KCTD8: variants seen among roughly 807,000 people sequenced by gnomAD.
The protein encoded by KCTD8 is potassium channel tetramerization domain containing 8, also known as BTB/POZ domain-containing protein KCTD8.
In KCTD8, 27 loss-of-function variants were observed where a neutral mutation model predicts 31.5. The ratio of observed to expected loss-of-function variants is 0.86; its 90% CI spans 0.63 to 1.18. The LOEUF (loss-of-function observed/expected upper bound fraction) is 1.18. KCTD8 is among the 50% of genes most tolerant of loss of function. The pLI, the probability that KCTD8 is intolerant of heterozygous loss-of-function variation, is 0.00. For synonymous variants in KCTD8, 290 were observed against 280.0 expected (o/e 1.04, Z -0.36); for missense variants, 658 against 647.7 (o/e 1.02, Z -0.17).
chr4:44,415,109 C>A (rs1376066734), intron 1 of KCTD8, among the ~76,000 whole-genome samples: 2 of 152,090 alleles, frequency 1.3e-5, no homozygotes, highest in African/African-American at 4.8e-5. Flanking sequence ...CCATGTTATG[C>A]CCTAGCAAAA....
At chr4:44,411,765 C>A (rs898674786) in intron 1 of KCTD8, among the ~76,000 whole-genome samples, 3 of 151,900 alleles carry the variant, frequency 2.0e-5, no homozygotes, top group Non-Finnish European at 4.4e-5. Context: ...TGCCCTATGA[C>A]AACAGAGGCA....
chr4:44,286,829 A>G (rs1303383879), intron 1 of KCTD8, among the ~76,000 whole-genome samples: 1 of 152,112 alleles, frequency 6.6e-6, no homozygotes, highest in Non-Finnish European at 1.5e-5. Flanking sequence ...AGGTATTGCA[A>G]CAGATCAGAG....
chr4:44,438,603 T>C (rs886951665), intron 1 of KCTD8, among the ~76,000 whole-genome samples: 4 of 152,202 alleles, frequency 2.6e-5, no homozygotes, highest in Non-Finnish European at 5.9e-5. Context: ...ATTTTAAAAA[T>C]ACATTACAAT....
At chr4:44,410,431 T>C (rs1720927055) in intron 1 of KCTD8, among the ~76,000 whole-genome samples, 1 of 152,220 alleles carries the variant, frequency 6.6e-6, no homozygotes, top group East Asian at 1.9e-4. Context: ...ATAAGGTAAC[T>C]ACAGTTATTA....
At chr4:44,306,144 A>T (rs1717796418) in intron 1 of KCTD8, among the ~76,000 whole-genome samples, 1 of 151,978 alleles carries the variant, frequency 6.6e-6, no homozygotes, top group Non-Finnish European at 1.5e-5. Context: ...AAATCAAAGG[A>T]AGTGGAAGAA....
At chr4:44,375,583 T>C (rs960102310) in intron 1 of KCTD8, among the ~76,000 whole-genome samples, 9 of 152,242 alleles carry the variant, frequency 5.9e-5, no homozygotes, top group Admixed American at 5.9e-4. Flanking sequence ...ATCTTCAGAT[T>C]CCAGGTTCTC....
intron 1 of KCTD8, among the ~76,000 whole-genome samples, chr4:44,201,576 G>A (rs1401505587): frequency 1.3e-5 from 2 of 152,062 alleles, no homozygotes; most frequent in Admixed American, 6.6e-5. Context: ...TTCAATAAAC[G>A]ATGTTGGGAT....
chr4:44,248,295 T>G (rs927849168), intron 1 of KCTD8, among the ~76,000 whole-genome samples: 1 of 151,804 alleles, frequency 6.6e-6, no homozygotes, highest in African/African-American at 2.4e-5. Context: ...TACCTGAAAT[T>G]TAAACTTAAT....
At chr4:44,238,244 G>T (rs1384136803) in intron 1 of KCTD8, among the ~76,000 whole-genome samples, 1 of 151,942 alleles carries the variant, frequency 6.6e-6, no homozygotes, top group Non-Finnish European at 1.5e-5. Context: ...TTCAGCTTGA[G>T]CTTTACTCCC....
intron 1 of KCTD8, among the ~76,000 whole-genome samples, chr4:44,347,914 G>A (rs1719077533): frequency 6.6e-6 from 1 of 151,954 alleles, no homozygotes. Context: ...ATCCCTGTAG[G>A]GCATAATACA....
At chr4:44,373,439 C>T (rs1719841311) in intron 1 of KCTD8, among the ~76,000 whole-genome samples, 1 of 151,968 alleles carries the variant, frequency 6.6e-6, no homozygotes. Context: ...CCCAGCTCTG[C>T]AACTCACTCA....
chr4:44,404,186 A>G (rs748803126), intron 1 of KCTD8, among the ~76,000 whole-genome samples: 2 of 152,180 alleles, frequency 1.3e-5, no homozygotes, highest in Non-Finnish European at 1.5e-5. Context: ...AAATATCTGT[A>G]TTTTGAAAAG....
At chr4:44,277,502 G>A (rs910168596) in intron 1 of KCTD8, among the ~76,000 whole-genome samples, 3 of 151,738 alleles carry the variant, frequency 2.0e-5, no homozygotes, top group African/African-American at 4.8e-5. Context: ...CTGTTGGTAC[G>A]CTGCAAAAAA....
At chr4:44,373,095 T>C (rs1719831351) in intron 1 of KCTD8, among the ~76,000 whole-genome samples, 1 of 152,168 alleles carries the variant, frequency 6.6e-6, no homozygotes, top group Non-Finnish European at 1.5e-5. Context: ...CCGGGCGCAG[T>C]GGCTCACACC....
chr4:44,430,323 A>G (rs1721442927), intron 1 of KCTD8, among the ~76,000 whole-genome samples: 1 of 151,748 alleles, frequency 6.6e-6, no homozygotes, highest in Admixed American at 6.6e-5. Flanking sequence ...GGGTATTTCC[A>G]GGAGTGTCAC....
intron 1 of KCTD8, among the ~76,000 whole-genome samples, chr4:44,314,383 T>C (rs1236000289): frequency 6.6e-6 from 1 of 152,106 alleles, no homozygotes; most frequent in Admixed American, 6.6e-5. Context: ...TGATTTAGAT[T>C]TGTAGCTGAA....
intron 1 of KCTD8, among the ~76,000 whole-genome samples, chr4:44,355,676 G>C (rs55755428): frequency 6.6e-6 from 1 of 152,028 alleles, no homozygotes; most frequent in Non-Finnish European, 1.5e-5. Context: ...TCTGTGTAGC[G>C]TATTTAGATA....
At chr4:44,190,097 C>T (rs1713719589) in intron 1 of KCTD8, among the ~76,000 whole-genome samples, 1 of 152,172 alleles carries the variant, frequency 6.6e-6, no homozygotes, top group Admixed American at 6.5e-5. Flanking sequence ...CCTTTCATCT[C>T]TAATCTTTAT....
At chr4:44,369,823 A>G (rs539894820) in intron 1 of KCTD8, among the ~76,000 whole-genome samples, 10 of 152,046 alleles carry the variant, frequency 6.6e-5, no homozygotes, top group Admixed American at 2.6e-4. Flanking sequence ...TAAAAAAAAA[A>G]GGCACAAGAA....
Sources: allele counts gnomAD v4.1 joint callset (sites outside exome capture counted in the v4.1 genomes callset), GRCh38; gene constraint gnomAD v4.1.1; transcripts MANE v1.5; gene names NCBI Gene and HGNC (gene_info 2026-07-23, HGNC 2026-07-21).